The following SLC1A2 variants were observed in gnomAD, a reference collection of about 807,000 sequenced individuals.
The protein encoded by SLC1A2 is excitatory amino acid transporter 2.
In SLC1A2, 15 loss-of-function variants were observed where a neutral mutation model predicts 48.8. The observed-to-expected ratio is 0.31, with a 90% CI of 0.21 to 0.47. The LOEUF (loss-of-function observed/expected upper bound fraction) is 0.47. Ranked by LOEUF, SLC1A2 falls within the 20% of genes least tolerant of loss-of-function variation. The pLI is 0.99. For missense variants in SLC1A2, 502 were observed against 730.5 expected, an observed-to-expected ratio of 0.69 and a Z score of 3.61; for synonymous variants, 279 against 272.6, an observed-to-expected ratio of 1.02 and a Z score of -0.23.
At chr11:35,349,249 C>T (rs1423801071) in intron 1 of SLC1A2, among the ~76,000 whole-genome samples, 2 of 151,868 alleles carry the variant, frequency 1.3e-5, no homozygotes, top group African/African-American at 4.8e-5. Context: ...AAACCAGCGC[C>T]AAATCGAAAG....
intron 1 of SLC1A2, among the ~76,000 whole-genome samples, chr11:35,372,542 G>A (rs534136619): frequency 5.6e-4 from 86 of 152,310 alleles, no homozygotes; most frequent in African/African-American, 2.0e-3. Context: ...TAACCAGGAA[G>A]GACCTAGCAA....
At chr11:35,369,040 A>G (rs1853965227) in intron 1 of SLC1A2, among the ~76,000 whole-genome samples, 1 of 152,202 alleles carries the variant, frequency 6.6e-6, no homozygotes, top group Non-Finnish European at 1.5e-5. Flanking sequence ...CACTGCCTAG[A>G]GAGAAGACTT....
intron 8 of SLC1A2, chr11:35,285,698 G>C (rs893161344): frequency 6.6e-6 from 1 of 152,250 alleles, no homozygotes; most frequent in Non-Finnish European, 1.5e-5. Context: ...AGGGAGCAGG[G>C]GAGACTGTGG....
intron 1 of SLC1A2, among the ~76,000 whole-genome samples, chr11:35,350,001 T>G (rs1419322675): frequency 6.6e-6 from 1 of 152,134 alleles, no homozygotes; most frequent in Non-Finnish European, 1.5e-5. Flanking sequence ...TAAGAAACTT[T>G]GGGTGAGTTT....
chr11:35,406,523 A>C (rs1855301581), intron 1 of SLC1A2, among the ~76,000 whole-genome samples: 1 of 151,984 alleles, frequency 6.6e-6, no homozygotes, highest in East Asian at 1.9e-4. Flanking sequence ...CATCTGTGGA[A>C]TGGTGGTAGG....
At position 35,344,023 on chromosome 11, in the gene SLC1A2, A is replaced by G. The variant is rs1265174243; in HGVS notation, c.18-26507T>C. The stretch of plus-strand genomic sequence containing the variant: ...TGGCTGAGAAGTGGCCCCACTGAGA[A>G]CTCAGATCCTTTTTTACCCATCATT... On this transcript the variant is annotated intron_variant, in intron 1 of 10. Coordinates refer to ENST00000278379, the MANE Select transcript of SLC1A2 (RefSeq NM_004171.4). Among the ~76,000 whole-genome samples, 4 of 152,064 alleles carry G rather than the reference A, an allele frequency of 2.6e-5. No homozygotes were observed. The East Asian group carries it at 7.7e-4, about 29-fold the overall frequency.
At chr11:35,347,331 A>G (rs1034440657) in intron 1 of SLC1A2, among the ~76,000 whole-genome samples, 2 of 152,202 alleles carry the variant, frequency 1.3e-5, no homozygotes, top group Non-Finnish European at 2.9e-5. Context: ...CTGGACAGAC[A>G]TGGTAATTCA....
intron 1 of SLC1A2, among the ~76,000 whole-genome samples, chr11:35,373,287 A>G (rs3847623): frequency 0.45 from 68,081 of 151,986 alleles, 16,476 homozygotes; most frequent in East Asian, 0.73. Flanking sequence ...TCCTTTCTCC[A>G]TTCAACACCT....
intron 1 of SLC1A2, among the ~76,000 whole-genome samples, chr11:35,387,383 T>C (rs759294631): frequency 1.3e-5 from 2 of 152,086 alleles, no homozygotes; most frequent in African/African-American, 2.4e-5. Flanking sequence ...GGCTGGCTCA[T>C]TTGGGTCTTC....
At chr11:35,297,429 G>A (rs1851208788) in intron 6 of SLC1A2, among the ~76,000 whole-genome samples, 1 of 152,144 alleles carries the variant, frequency 6.6e-6, no homozygotes, top group Non-Finnish European at 1.5e-5. Context: ...TCCCGTTGCT[G>A]TGGTCCCTGT....
At position 35,419,015 on chromosome 11, in the gene SLC1A2, C is replaced by T. The variant is rs1224478685; in HGVS notation, c.-49G>A. 1 of 1,532,696 alleles carries T rather than the reference C, an allele frequency of 6.5e-7. No individual in the cohort carries two copies. The allele number at this position is 1,532,696 out of a possible 1,614,324, so 94.9% of individuals were successfully genotyped here. A position where few individuals can be genotyped will look rare whatever the true frequency, so the allele number is the denominator to read the frequency against. ...TTCAGCACTATCCGGCAGCTGTGGGCGAGGGAGAAAGCGGACGCCGGGGTG... is the reference window on the plus strand; with the variant it reads ...TTCAGCACTATCCGGCAGCTGTGGGTGAGGGAGAAAGCGGACGCCGGGGTG... On this transcript the variant is annotated 5_prime_UTR_variant, in exon 1 of 11. Transcript: ENST00000278379. The surrounding 1 kb of genome is among the most constrained non-coding windows in gnomAD (Gnocchi z 5.4).
rs1031667216 is a variant in SLC1A2, at chr11:35,417,226, G to A, written c.17+1724C>T. ...TGGATGGGAATCTTTCTAAAATGCC[G>A]AAAATCACTTTGGCTCTACATTGAA... On this transcript the variant is annotated intron_variant, in intron 1 of 10. Coordinates refer to ENST00000278379, the MANE Select transcript of SLC1A2 (RefSeq NM_004171.4). 3.9e-5 allele frequency among the ~76,000 whole-genome samples: 6 copies of A among 152,168 alleles called. No homozygotes were observed. The South Asian group carries it at 6.2e-4, about 16-fold the overall frequency.
intron 1 of SLC1A2, among the ~76,000 whole-genome samples, chr11:35,340,976 G>A (rs528799619): frequency 2.6e-4 from 40 of 152,268 alleles, no homozygotes; most frequent in African/African-American, 8.7e-4. Context: ...CCAGTTCAAG[G>A]AGCAAACCAG....
rs1950289852 is a variant in SLC1A2, at chr11:35,254,729, A to T, written c.*6165T>A. On this transcript the variant is annotated 3_prime_UTR_variant, in exon 11 of 11. Transcript: ENST00000278379. ...AGAAACTGAGGACCTGTTGCTACCCATTCTCTAGGTCAACTTCTGACTCTA... is the reference window on the plus strand; with the variant it reads ...AGAAACTGAGGACCTGTTGCTACCCTTTCTCTAGGTCAACTTCTGACTCTA... 1 of 453,568 alleles carries T rather than the reference A, an allele frequency of 2.2e-6. No individual in the cohort carries two copies. The highest frequency in any genetic ancestry group is 2.4e-5 in the Admixed American group (1 of 41,806). The allele number at this position is 453,568 out of a possible 1,614,324, so 28.1% of individuals were successfully genotyped here. A position where few individuals can be genotyped will look rare whatever the true frequency, so the allele number is the denominator to read the frequency against.
At chr11:35,416,828 T>C (rs534371509) in intron 1 of SLC1A2, among the ~76,000 whole-genome samples, 19 of 152,340 alleles carry the variant, frequency 1.2e-4, no homozygotes, top group Middle Eastern at 3.4e-3. Context: ...ATGTTAGAAG[T>C]TGCAAGAGAT....
chr11:35,281,175 G>T (rs899868552), intron 8 of SLC1A2, among the ~76,000 whole-genome samples, 174 bp from the exon 9 acceptor site: 3 of 152,100 alleles, frequency 2.0e-5, no homozygotes, highest in Non-Finnish European at 4.4e-5. Context: ...AGGAATTAAG[G>T]ATTAAGGCCT....
intron 1 of SLC1A2, chr11:35,391,027 A>C (rs766634630): frequency 2.6e-5 from 4 of 152,212 alleles, no homozygotes; most frequent in African/African-American, 9.7e-5. Context: ...TGTGGCTACA[A>C]GAAAATCTAG....
At chr11:35,336,102 T>C (rs3847617) in intron 1 of SLC1A2, among the ~76,000 whole-genome samples, 121,394 of 150,486 alleles carry the variant, frequency 0.81, 49,399 homozygotes, top group East Asian at 0.92. Flanking sequence ...CACTTATAAG[T>C]AGGAGCTGAA....
intron 1 of SLC1A2, among the ~76,000 whole-genome samples, chr11:35,367,896 A>G (rs1258842013): frequency 1.3e-5 from 2 of 152,236 alleles, no homozygotes; most frequent in East Asian, 3.8e-4. Context: ...TGCCATAAAT[A>G]GAGGGTGGAA....
Sources: gnomAD v4.1 joint callset for allele counts (sites outside exome capture counted in the v4.1 genomes callset) on GRCh38, gnomAD v4.1.1 for gene constraint, Gnocchi (gnomAD v3.1) non-coding constraint, MANE v1.5 for transcripts, NCBI Gene and HGNC (gene_info 2026-07-23, HGNC 2026-07-21) for gene names.